The following CFI variants were observed in gnomAD, a reference collection of about 807,000 sequenced individuals.
CFI encodes C3B/C4B inactivator.
Under a neutral mutation model 78.8 loss-of-function variants are expected in CFI, and 66 were observed. The ratio of observed to expected loss-of-function variants is 0.84; its 90% CI spans 0.69 to 1.03. CFI has a LOEUF of 1.03. Among genes scored for constraint, CFI ranks in the 50% least tolerant of loss-of-function variants. The pLI is 0.00. For synonymous variants in CFI, 250 were observed against 232.6 expected, an observed-to-expected ratio of 1.07 and a Z score of -0.68; for missense variants, 706 against 704.5, an observed-to-expected ratio of 1.00 and a Z score of -0.02.
chr4:109,755,143 A>G (rs1001198115), intron 7 of CFI, among the ~76,000 whole-genome samples: 1 of 152,238 alleles, frequency 6.6e-6, no homozygotes, highest in Admixed American at 6.5e-5. Context: ...GTGAAAGAAC[A>G]GAGAAAAGGA....
At chr4:109,746,917 G>A (rs1724545948) in intron 10 of CFI, among the ~76,000 whole-genome samples, 1 of 152,072 alleles carries the variant, frequency 6.6e-6, no homozygotes, top group Non-Finnish European at 1.5e-5. Context: ...AGGTTCCCAG[G>A]GCAAAGGCCA....
intron 3 of CFI, chr4:109,761,894 A>T (rs557321455): frequency 3.6e-5 from 20 of 553,008 alleles, no homozygotes; most frequent in African/African-American, 2.7e-4. Flanking sequence ...TTTTGTAAAG[A>T]TTAACTAAAA....
At chr4:109,777,773 A>T (rs545092080) in intron 1 of CFI, among the ~76,000 whole-genome samples, 1 of 152,330 alleles carries the variant, frequency 6.6e-6, no homozygotes, top group East Asian at 1.9e-4. Context: ...AGAAATTATA[A>T]CAAACTGTCT....
At chr4:109,795,841 C>T (rs1240392995) in intron 1 of CFI, among the ~76,000 whole-genome samples, 2 of 151,990 alleles carry the variant, frequency 1.3e-5, no homozygotes, top group Non-Finnish European at 2.9e-5. Flanking sequence ...AGTATAAAGA[C>T]TACAGGACTT....
At chr4:109,789,810 T>G (rs1731160242) in intron 1 of CFI, among the ~76,000 whole-genome samples, 2 of 152,110 alleles carry the variant, frequency 1.3e-5, no homozygotes, top group Non-Finnish European at 2.9e-5. Flanking sequence ...TTTGCTATTA[T>G]GGTAATTTAT....
At chr4:109,738,689 C>T (rs1221111936), downstream of CFI, among the ~76,000 whole-genome samples, 1 of 152,164 alleles carries the variant, frequency 6.6e-6, no homozygotes, top group Non-Finnish European at 1.5e-5. Context: ...TCTGGTGCCC[C>T]CGGCCCTGCC....
intron 2 of CFI, among the ~76,000 whole-genome samples, chr4:109,765,084 T>C (rs1247851685): frequency 6.6e-6 from 1 of 152,048 alleles, no homozygotes; most frequent in East Asian, 1.9e-4. Context: ...GTAGAAAGGG[T>C]TTATGTATTC....
chr4:109,733,565 C>A, the CFI span, among the ~76,000 whole-genome samples: 333 of 152,120 alleles, frequency 2.2e-3, 1 homozygote, highest in Non-Finnish European at 4.0e-3. Context: ...AGGAAAGGAG[C>A]AGTGGAGGTG....
rs749478632 is a variant in CFI at position 109,746,322 on chromosome 4, A to G, written c.1329T>C (p.Asp443=). 1.9e-6 allele frequency: 3 copies of G among 1,614,170 alleles called. No individual in the cohort carries two copies. The highest frequency in any genetic ancestry group is 1.7e-5 in the Admixed American group (1 of 60,010). Reference sequence around the variant, plus strand: ...CAGGGATGGAACGAGGCAGCTCACAATCTTTTTTGTTTCCGTCTTTTTTCA... The same window carrying G: ...CAGGGATGGAACGAGGCAGCTCACAGTCTTTTTTGTTTCCGTCTTTTTTCA... ...IEMKKDGNKK[D]CELPRSIPAC... The change falls in exon 11 of 13, where the codon GAT becomes GAC. Residue 443 remains aspartate, a synonymous_variant. Transcript: ENST00000394634.
At chr4:109,761,751 C>A (rs1727096775) in intron 3 of CFI, 59 bp from the exon 4 acceptor site, 2 of 1,378,958 alleles carry the variant, frequency 1.5e-6, no homozygotes, top group African/African-American at 1.4e-5. Flanking sequence ...CATTTATAAC[C>A]CTACTGTAGC....
intron 1 of CFI, among the ~76,000 whole-genome samples, chr4:109,789,317 G>A (rs775659291): frequency 6.6e-6 from 1 of 151,756 alleles, no homozygotes; most frequent in Non-Finnish European, 1.5e-5. Context: ...CCAAATTTGA[G>A]AACAAATGAG....
intron 1 of CFI, among the ~76,000 whole-genome samples, chr4:109,798,550 G>C (rs193288557): frequency 1.3e-4 from 20 of 151,316 alleles, no homozygotes; most frequent in Admixed American, 1.3e-3. Flanking sequence ...TGTTTAGTGA[G>C]TCCAAAGTTT....
At chr4:109,793,655 G>T (rs1032053229) in intron 1 of CFI, 7 of 152,284 alleles carry the variant, frequency 4.6e-5, no homozygotes, top group African/African-American at 1.7e-4. Flanking sequence ...AGCCTCCCGA[G>T]TAGCTGAGAC....
In CFI at chr4:109,760,258, T is replaced by C; in HGVS notation, c.883+12A>G. ...AATAATGAAAAAAAGTCACCCCAAG[T>C]CTTTCAATTACCTGCACAGCCAACT... On this transcript the variant is annotated intron_variant, in intron 6 of 12. Transcript: ENST00000394634. 6.3e-7 allele frequency: 1 copy of C among 1,591,798 alleles called. No homozygotes were observed. Among genetic ancestry groups the C allele is most frequent in the East Asian group, 2.2e-5 (1 of 44,748 alleles).
intron 4 of CFI, among the ~76,000 whole-genome samples, chr4:109,760,872 T>C (rs1726967510): frequency 6.6e-6 from 1 of 152,212 alleles, no homozygotes; most frequent in African/African-American, 2.4e-5. Flanking sequence ...TGAAAGTCTA[T>C]ATTTGCTGAG....
chr4:109,761,724 G>A (rs1187603605), intron 3 of CFI, 32 bp from the exon 4 acceptor site: 8 of 1,546,930 alleles, frequency 5.2e-6, no homozygotes, highest in African/African-American at 1.4e-5. Flanking sequence ...CATTATGGTA[G>A]AATAATTAGT....
intron 6 of CFI, among the ~76,000 whole-genome samples, chr4:109,759,681 G>A (rs1726780828): frequency 6.6e-6 from 1 of 152,058 alleles, no homozygotes; most frequent in Non-Finnish European, 1.5e-5. Flanking sequence ...GATCATCTGA[G>A]GTCAGGAGTT....
In CFI at chr4:109,747,169, C is replaced by T. The variant is rs182077579; in HGVS notation, c.1149-667G>A. ...CTTATGCTTCACTACATTTTCATAT[C>T]AAGTTTCTTTCTTCCCTTCTTTCTT... On this transcript the variant is annotated intron_variant, in intron 10 of 12. Coordinates refer to ENST00000394634, the MANE Select transcript of CFI (RefSeq NM_000204.5). 4.8e-3 allele frequency among the ~76,000 whole-genome samples: 723 copies of T among 152,128 alleles called. 7 individuals are homozygous for T. The highest frequency in any genetic ancestry group is 0.017 in the African/African-American group (693 of 41,502).
At position 109,749,321 on chromosome 4, in the gene CFI, C is replaced by T. The variant is rs1724853464; in HGVS notation, c.1045G>A (p.Gly349Arg). Residue 349 changes from glycine (G) to arginine (R), a missense_variant and splice_region_variant, in exon 10 of 13, where the codon GGA becomes AGA. Transcript: ENST00000394634. ...ATTGCCACCTGCCATGGGAGGTCTC[C>T]CTGTAAAAGACATTTGTGTGGTCAC... ...RIVGGKRAQL[G>R]DLPWQVAIKD... The T allele has an allele frequency of 6.2e-7, 1 of 1,613,036 alleles. No homozygotes were observed. The highest frequency in any genetic ancestry group is 1.3e-5 in the African/African-American group (1 of 74,870).
Sources: gnomAD v4.1 joint callset for allele counts (sites outside exome capture counted in the v4.1 genomes callset) on GRCh38, gnomAD v4.1.1 for gene constraint, MANE v1.5 for transcripts, NCBI Gene and HGNC (gene_info 2026-07-23, HGNC 2026-07-21) for gene names.